SCMH1: variants seen among roughly 807,000 people sequenced by gnomAD.
SCMH1 encodes Scm polycomb group protein homolog 1.
A neutral mutation model predicts 70.8 loss-of-function variants in SCMH1; 37 were observed. The observed-to-expected ratio is 0.52, with a 90% CI of 0.40 to 0.69. SCMH1 has a LOEUF of 0.69. Among genes scored for constraint, SCMH1 ranks in the 30% least tolerant of loss-of-function variants. The pLI is 0.00. For missense variants in SCMH1, 607 were observed against 827.3 expected, an observed-to-expected ratio of 0.73 and a Z score of 3.27; for synonymous variants, 292 against 307.4, an observed-to-expected ratio of 0.95 and a Z score of 0.52.
chr1:41,234,418 T>C (rs530126255), intron 1 of SCMH1, among the ~76,000 whole-genome samples: 13 of 148,416 alleles, frequency 8.8e-5, no homozygotes, highest in Non-Finnish European at 1.9e-4. Context: ...ATCACAATAC[T>C]GCACTCCAGG....
chr1:41,215,672 C>T (rs1415514459), intron 1 of SCMH1, among the ~76,000 whole-genome samples: 1 of 152,132 alleles, frequency 6.6e-6, no homozygotes, highest in Non-Finnish European at 1.5e-5. Context: ...TTTCCTAGCT[C>T]CTTTCTCTAG....
intron 6 of SCMH1, among the ~76,000 whole-genome samples, chr1:41,135,136 G>C (rs1643064580): frequency 6.6e-6 from 1 of 152,004 alleles, no homozygotes; most frequent in African/African-American, 2.4e-5. Context: ...TTATACATCT[G>C]CATGTGTGTG....
chr1:41,104,956 A>G (rs1380898675), intron 8 of SCMH1, among the ~76,000 whole-genome samples: 1 of 137,848 alleles, frequency 7.3e-6, no homozygotes, highest in Non-Finnish European at 1.6e-5. Flanking sequence ...AACATTAAAC[A>G]GCCTTTTTTT....
chr1:41,027,999 A>C (rs1475177591), exon 15 of SCMH1: 13 of 631,620 alleles, frequency 2.1e-5, no homozygotes, highest in Non-Finnish European at 3.6e-5. Flanking sequence ...CTGGACCCCC[A>C]CTCTCCCTCC....
rs55721560 is a variant in SCMH1, at chr1:41,087,937, G to GGTGTGTGTGTGTGTGTGTGTGTGTGTGT, written c.746-12514_746-12487dup. On this transcript the variant is annotated intron_variant, in intron 8 of 14. Transcript: ENST00000337495. ...AATCTATACACTATATATAGTTTCT[G>GGTGTGTGTGTGTGTGTGTGTGTGTGTGT]GTGTGTGTGTGTGTGTGTGTGTGTG... is the stretch of plus-strand genomic sequence containing the variant. 4.5e-4 allele frequency among the ~76,000 whole-genome samples: 63 copies of GGTGTGTGTGTGTGTGTGTGTGTGTGTGT among 139,904 alleles called. 1 individual carries two copies. The highest frequency in any genetic ancestry group is 1.0e-3 in the East Asian group (5 of 4,792). 91.8% of individuals were successfully genotyped at this position (139,904 alleles called of 152,430 possible).
chr1:41,103,136 T>TC (rs900440939), intron 8 of SCMH1, among the ~76,000 whole-genome samples: 1 of 151,984 alleles, frequency 6.6e-6, no homozygotes, highest in African/African-American at 2.4e-5. Flanking sequence ...AAGAAAATTT[T>TC]TTTTTTTTTC....
intron 1 of SCMH1, among the ~76,000 whole-genome samples, chr1:41,197,756 T>C (rs923233595): frequency 6.6e-6 from 1 of 152,180 alleles, no homozygotes; most frequent in Non-Finnish European, 1.5e-5. Context: ...TCAACTGTCT[T>C]GCAAAAGGAA....
chr1:41,216,710 A>C (rs1236074971), intron 1 of SCMH1, among the ~76,000 whole-genome samples: 1 of 152,226 alleles, frequency 6.6e-6, no homozygotes, highest in Non-Finnish European at 1.5e-5. Flanking sequence ...AGAGAAAGAC[A>C]AATGGCAGGA....
chr1:41,067,936 C>T (rs957786049), intron 10 of SCMH1, among the ~76,000 whole-genome samples: 27 of 152,082 alleles, frequency 1.8e-4, no homozygotes, highest in Admixed American at 2.6e-4. Context: ...ATCTACCACT[C>T]AATTTTGCTG....
chr1:41,217,976 G>A (rs1658462825), intron 1 of SCMH1, among the ~76,000 whole-genome samples: 1 of 152,094 alleles, frequency 6.6e-6, no homozygotes, highest in South Asian at 2.1e-4. Context: ...TTGTATCTTG[G>A]AAGCAAATAG....
intron 10 of SCMH1, among the ~76,000 whole-genome samples, chr1:41,054,958 T>G (rs1304757729): frequency 6.6e-6 from 1 of 152,118 alleles, no homozygotes; most frequent in African/African-American, 2.4e-5. Context: ...TAATTTTTAC[T>G]TTGTTGTAGA....
At chr1:41,138,969 T>C (rs1643783488) in intron 6 of SCMH1, among the ~76,000 whole-genome samples, 1 of 152,174 alleles carries the variant, frequency 6.6e-6, no homozygotes, top group Non-Finnish European at 1.5e-5. Context: ...GGGTCATGAG[T>C]TGGCATAGTG....
chr1:41,210,555 A>G (rs2148793665), intron 1 of SCMH1, among the ~76,000 whole-genome samples: 1 of 152,270 alleles, frequency 6.6e-6, no homozygotes, highest in African/African-American at 2.4e-5. Flanking sequence ...ATAAAACCAC[A>G]CATCTACAAC....
At chr1:41,114,382 T>C (rs1669939364) in intron 7 of SCMH1, among the ~76,000 whole-genome samples, 1 of 152,218 alleles carries the variant, frequency 6.6e-6, no homozygotes, top group Non-Finnish European at 1.5e-5. Context: ...AATCTTACTA[T>C]CTGATCCTGT....
intron 4 of SCMH1, among the ~76,000 whole-genome samples, chr1:41,159,046 C>CA (rs972778983): frequency 3.9e-5 from 6 of 152,246 alleles, no homozygotes; most frequent in Admixed American, 2.0e-4. Flanking sequence ...AGACATTTTA[C>CA]AAAAAATTCA....
At chr1:41,032,307 T>C (rs544149532) in intron 13 of SCMH1, among the ~76,000 whole-genome samples, 1 of 152,324 alleles carries the variant, frequency 6.6e-6, no homozygotes, top group Non-Finnish European at 1.5e-5. Flanking sequence ...GGGCAGGTGG[T>C]AGGAAGTTGC....
At chr1:41,192,441 A>G (rs1651928027) in intron 1 of SCMH1, among the ~76,000 whole-genome samples, 1 of 151,956 alleles carries the variant, frequency 6.6e-6, no homozygotes, top group Non-Finnish European at 1.5e-5. Flanking sequence ...CCGCAGCAAA[A>G]TAAAGACAAT....
intron 1 of SCMH1, among the ~76,000 whole-genome samples, chr1:41,241,267 T>C (rs1663458320): frequency 6.6e-6 from 1 of 152,208 alleles, no homozygotes; most frequent in South Asian, 2.1e-4. Context: ...AGTCAGGAGA[T>C]ATTCCGGGGT....
intron 10 of SCMH1, among the ~76,000 whole-genome samples, chr1:41,052,379 TTG>T (rs1279304359): frequency 6.6e-6 from 1 of 152,204 alleles, no homozygotes; most frequent in Non-Finnish European, 1.5e-5. Context: ...CGGATCTAGG[TTG>T]TGTGCTCCTT....
Sources: gnomAD v4.1 joint callset for allele counts (sites outside exome capture counted in the v4.1 genomes callset) on GRCh38, gnomAD v4.1.1 for gene constraint, MANE v1.5 for transcripts, NCBI Gene and HGNC (gene_info 2026-07-23, HGNC 2026-07-21) for gene names.